Variants in OCM observed in about 807,000 individuals in gnomAD.
OCM encodes the protein oncomodulin-1.
Under a neutral mutation model 14.1 loss-of-function variants are expected in OCM, and 18 were observed. That is an observed-to-expected ratio of 1.28 (90% CI 0.88 to 1.89). The LOEUF (loss-of-function observed/expected upper bound fraction) is 1.89. Ranked by LOEUF, OCM falls within the 40% of genes most tolerant of loss-of-function variation. The pLI is 0.00. For synonymous variants in OCM, 48 were observed against 51.0 expected, an observed-to-expected ratio of 0.94 and a Z score of 0.25; for missense variants, 140 against 137.6, an observed-to-expected ratio of 1.02 and a Z score of -0.09.
upstream of OCM, among the ~76,000 whole-genome samples, chr7:5,875,253 C>T (rs1464410345): frequency 1.3e-5 from 2 of 151,802 alleles, no homozygotes; most frequent in East Asian, 1.9e-4. Context: ...GACAGCGTTT[C>T]GCCACGTTGG....
At chr7:5,880,616 A>C (rs974269757), upstream of OCM, among the ~76,000 whole-genome samples, 1 of 152,018 alleles carries the variant, frequency 6.6e-6, no homozygotes, top group African/African-American at 2.4e-5. Context: ...AAAATTAGCC[A>C]GGCATGGTAG....
upstream of OCM, among the ~76,000 whole-genome samples, chr7:5,876,064 G>A (rs1056135527): frequency 3.3e-5 from 5 of 152,004 alleles, no homozygotes; most frequent in Non-Finnish European, 5.9e-5. Context: ...GAGGGCAGTG[G>A]CATGATCTCA....
At chr7:5,875,851 CCTGAGACAAGG>C (rs1781085245), upstream of OCM, among the ~76,000 whole-genome samples, 1 of 149,058 alleles carries the variant, frequency 6.7e-6, no homozygotes, top group Non-Finnish European at 1.5e-5. Context: ...TTTTTTTTTT[CCTGAGACAAGG>C]TCTCACTGTG....
the OCM span, among the ~76,000 whole-genome samples, chr7:5,869,308 G>T: frequency 6.6e-6 from 1 of 151,758 alleles, no homozygotes; most frequent in Admixed American, 6.6e-5. Context: ...AATATTTCCT[G>T]CAGCTCTGGC....
upstream of OCM, among the ~76,000 whole-genome samples, chr7:5,880,481 T>C (rs1781187262): frequency 6.6e-6 from 1 of 152,162 alleles, no homozygotes; most frequent in Non-Finnish European, 1.5e-5. Context: ...TAGACAGGCC[T>C]GGCTCGGTGG....
chr7:5,861,833 C>T, the OCM span, among the ~76,000 whole-genome samples: 4 of 152,022 alleles, frequency 2.6e-5, no homozygotes, highest in Admixed American at 2.0e-4. Context: ...ACCGCCTCGG[C>T]CTCCCAAAGC....
At position 5,883,936 on chromosome 7, in the gene OCM, T is replaced by C. The variant is rs1781279318; in HGVS notation, c.241T>C (p.Ser81Pro). The change falls in exon 3 of 4, where the codon TCA becomes CCA. Residue 81 changes from serine to proline, a missense_variant. By Grantham distance (74) the Ser-to-Pro change is moderately conservative. Coordinates refer to ENST00000242104, the MANE Select transcript of OCM (RefSeq NM_001097622.2). Reference sequence around the variant, plus strand: ...GAGTGGTGCCAGAGAACTGACCGAGTCAGAAACCAAGTCCTTGATGGCTGC... The same window carrying C: ...GAGTGGTGCCAGAGAACTGACCGAGCCAGAAACCAAGTCCTTGATGGCTGC... Reference protein sequence around the residue: ...FESGARELTESETKSLMAAAD... With the variant: ...FESGARELTEPETKSLMAAAD... The C allele has an allele frequency of 6.8e-6, 11 of 1,613,184 alleles. No homozygotes were observed. The highest frequency in any genetic ancestry group is 8.5e-6 in the Non-Finnish European group (10 of 1,179,720).
the OCM span, among the ~76,000 whole-genome samples, chr7:5,860,060 C>T: frequency 1.3e-5 from 2 of 151,724 alleles, no homozygotes; most frequent in Non-Finnish European, 2.9e-5. Context: ...CAAGGAGACC[C>T]CCCCCACAAA....
chr7:5,864,169 G>A, the OCM span, among the ~76,000 whole-genome samples: 4 of 151,486 alleles, frequency 2.6e-5, no homozygotes, highest in South Asian at 4.2e-4. Flanking sequence ...ATGAGATCCC[G>A]TCTCTACAAA....
upstream of OCM, among the ~76,000 whole-genome samples, chr7:5,876,011 A>T (rs537245995): frequency 1.2e-3 from 179 of 148,830 alleles, no homozygotes; most frequent in African/African-American, 3.7e-3. Context: ...GATTATTATT[A>T]TTTTTTTTTC....
chr7:5,882,936 A>C (rs181805468), intron 2 of OCM, among the ~76,000 whole-genome samples: 1 of 150,190 alleles, frequency 6.7e-6, no homozygotes, highest in East Asian at 2.0e-4. Context: ...TCCGCCTTCC[A>C]AATTCAAGTG....
the OCM span, among the ~76,000 whole-genome samples, chr7:5,863,120 A>G: frequency 5.8e-4 from 88 of 152,338 alleles, no homozygotes; most frequent in African/African-American, 1.9e-3. Flanking sequence ...CCTCATTGAC[A>G]TGTAAAATGT....
chr7:5,864,188 C>T, the OCM span, among the ~76,000 whole-genome samples: 1 of 151,380 alleles, frequency 6.6e-6, no homozygotes, highest in Non-Finnish European at 1.5e-5. Flanking sequence ...AAAAATAAAG[C>T]ATTAGCCAGG....
chr7:5,868,995 A>G, the OCM span, among the ~76,000 whole-genome samples: 1 of 152,082 alleles, frequency 6.6e-6, no homozygotes, highest in African/African-American at 2.4e-5. Flanking sequence ...CCCGGGAGGC[A>G]GAGGTTGCAG....
chr7:5,875,147 C>T (rs979169610), upstream of OCM, among the ~76,000 whole-genome samples: 1 of 151,472 alleles, frequency 6.6e-6, no homozygotes, highest in African/African-American at 2.4e-5. Context: ...CTCCACCTCC[C>T]GGGTTCAAGC....
intron 1 of OCM, 73 bp from the exon 2 acceptor site, chr7:5,882,420 G>A: frequency 6.5e-7 from 1 of 1,537,606 alleles, no homozygotes; most frequent in South Asian, 1.1e-5. Flanking sequence ...AATTATCTGT[G>A]TTTTTAGTAC....
chr7:5,864,363 G>A, the OCM span, among the ~76,000 whole-genome samples: 1 of 149,386 alleles, frequency 6.7e-6, no homozygotes, highest in Non-Finnish European at 1.5e-5. Context: ...AAAAAAAAAG[G>A]AAGAATGACC....
At chr7:5,865,040 C>T in the OCM span, among the ~76,000 whole-genome samples, 28 of 152,276 alleles carry the variant, frequency 1.8e-4, no homozygotes, top group East Asian at 5.4e-3. Flanking sequence ...CAGCGGGCAG[C>T]AGCTGTAGTT....
chr7:5,864,919 CA>C, the OCM span, among the ~76,000 whole-genome samples: 3 of 151,452 alleles, frequency 2.0e-5, no homozygotes, highest in African/African-American at 7.3e-5. Context: ...GCCTGGGCAA[CA>C]AGAGTGAAAC....
Sources: allele counts gnomAD v4.1 joint callset (sites outside exome capture counted in the v4.1 genomes callset), GRCh38; gene constraint gnomAD v4.1.1; transcripts MANE v1.5; gene names NCBI Gene and HGNC (gene_info 2026-07-23, HGNC 2026-07-21).